The following CFTR variants were observed in gnomAD, a reference collection of about 807,000 sequenced individuals.
CFTR encodes cystic fibrosis transmembrane conductance regulator.
CFTR carries 181 observed loss-of-function variants against 171.6 expected under a neutral mutation model. The ratio of observed to expected loss-of-function variants is 1.05; its 90% CI spans 0.93 to 1.19. The LOEUF is 1.19. CFTR is among the 50% of genes most tolerant of loss of function. The pLI is 0.00. For synonymous variants in CFTR, 583 were observed against 608.0 expected, an observed-to-expected ratio of 0.96 and a Z score of 0.60; for missense variants, 1,968 against 1,734.7, an observed-to-expected ratio of 1.13 and a Z score of -2.39.
At chr7:117,486,386 G>A (rs995305214) in intron 1 of CFTR, among the ~76,000 whole-genome samples, 1 of 152,094 alleles carries the variant, frequency 6.6e-6, no homozygotes, top group Non-Finnish European at 1.5e-5. Flanking sequence ...TGCCTTTATG[G>A]AACAAATTAT....
intron 20 of CFTR, among the ~76,000 whole-genome samples, chr7:117,612,054 C>CGTATATATATAT (rs1562915207): frequency 2.1e-5 from 1 of 46,516 alleles, no homozygotes; most frequent in Non-Finnish European, 4.6e-5. Context: ...TATATATATA[C>CGTATATATATAT]ATATATATAT....
chr7:117,592,672 CT>C lies in CFTR; in HGVS notation c.2490+17del. ...AAGACTTAAAGGTAGGTATACATCGCTTGGGGGTATTTCACCCCACAGAATG... is the reference window on the plus strand; with the variant it reads ...AAGACTTAAAGGTAGGTATACATCGCTGGGGGTATTTCACCCCACAGAATG... On this transcript the variant is annotated intron_variant, in intron 14 of 26. Coordinates refer to ENST00000003084, the MANE Select transcript of CFTR (RefSeq NM_000492.4). The C allele has an allele frequency of 6.6e-7, 1 of 1,507,900 alleles. No individual in the cohort carries two copies. The highest frequency in any genetic ancestry group is 1.5e-5 in the South Asian group (1 of 67,484). 93.4% of individuals were successfully genotyped at this position (1,507,900 alleles called of 1,614,324 possible). A position where few individuals can be genotyped will look rare whatever the true frequency, so the allele number is the denominator to read the frequency against.
intron 15 of CFTR, among the ~76,000 whole-genome samples, chr7:117,596,691 A>G (rs917794580): frequency 6.6e-6 from 1 of 152,250 alleles, no homozygotes; most frequent in Non-Finnish European, 1.5e-5. Context: ...CCCTGTGTCT[A>G]GCTCAGGGTT....
At chr7:117,512,790 A>G (rs374138159) in intron 3 of CFTR, among the ~76,000 whole-genome samples, 49 of 152,264 alleles carry the variant, frequency 3.2e-4, no homozygotes, top group African/African-American at 1.1e-3. Context: ...CAATGCATTT[A>G]TTATGATAAG....
At chr7:117,531,800 C>A (rs545916915) in intron 4 of CFTR, among the ~76,000 whole-genome samples, 2 of 152,290 alleles carry the variant, frequency 1.3e-5, no homozygotes, top group South Asian at 4.1e-4. Flanking sequence ...CATCCTGATT[C>A]ACTACCATGT....
chr7:117,535,255 C>T lies in CFTR; in HGVS notation c.587C>T (p.Ala196Val), dbSNP rs1204822296. 8.1e-6 allele frequency: 13 copies of T among 1,614,090 alleles called. No individual in the cohort carries two copies. The highest frequency in any genetic ancestry group is 1.0e-5 in the Non-Finnish European group (12 of 1,179,996). Residue 196 changes from alanine to valine, a missense_variant, in exon 6 of 27, where the codon GCA (alanine) becomes GTA (valine). Physicochemically the swap from Ala to Val is moderately conservative, Grantham distance 64 (BLOSUM62 0). Transcript: ENST00000003084. ...NNLNKFDEGL[A>V]LAHFVWIAPL... ...TGTGCTTTTATTTTCCAGGGACTTG[C>T]ATTGGCACATTTCGTGTGGATCGCT...
chr7:117,588,543 C>T (rs961910980), intron 12 of CFTR, among the ~76,000 whole-genome samples: 4 of 152,108 alleles, frequency 2.6e-5, no homozygotes, highest in African/African-American at 9.7e-5. Context: ...TTGCCAAAGT[C>T]GTTAACAAGA....
Position 117,559,691 on chromosome 7 carries a change from A to G in CFTR, c.1584+36A>G, listed in dbSNP as rs752908476. On this transcript the variant is annotated intron_variant, in intron 11 of 26. Transcript: ENST00000003084. Reference sequence around the variant, plus strand: ...ATGTGAAAACTTTTTGATTATGCATATGAACCCTTCACACTACCCAAATTA... The same window carrying G: ...ATGTGAAAACTTTTTGATTATGCATGTGAACCCTTCACACTACCCAAATTA... The G allele has an allele frequency of 2.1e-6, 3 of 1,443,760 alleles. No homozygotes were observed. The highest frequency in any genetic ancestry group is 1.7e-5 in the Admixed American group (1 of 59,532). The allele number at this position is 1,443,760 out of a possible 1,614,324, so 89.4% of individuals were successfully genotyped here.
At chr7:117,510,383 G>T (rs1798495366) in intron 3 of CFTR, among the ~76,000 whole-genome samples, 1 of 152,030 alleles carries the variant, frequency 6.6e-6, no homozygotes, top group African/African-American at 2.4e-5. Flanking sequence ...TTGAATCAGG[G>T]TATGGAGTAC....
intron 13 of CFTR, 36 bp downstream of exon 13, chr7:117,590,475 G>A (rs1018950844): frequency 6.3e-6 from 10 of 1,582,116 alleles, no homozygotes; most frequent in Non-Finnish European, 8.6e-6. Flanking sequence ...TAATGCTCAT[G>A]CTAAAATAAA....
At chr7:117,502,474 A>C (rs1798347178) in intron 1 of CFTR, among the ~76,000 whole-genome samples, 1 of 152,114 alleles carries the variant, frequency 6.6e-6, no homozygotes, top group African/African-American at 2.4e-5. Flanking sequence ...CACCTTTTTC[A>C]CTTCTTGACT....
chr7:117,642,425 T>G lies in CFTR; in HGVS notation c.3718-13T>G, dbSNP rs1465656657. The G allele has an allele frequency of 6.2e-7, 1 of 1,612,264 alleles. No individual in the cohort carries two copies. Among genetic ancestry groups the G allele is most frequent in the Non-Finnish European group, 8.5e-7 (1 of 1,178,558 alleles). ...TATGTCACAGAAGTGATCCCATCAC[T>G]TTTACCTTATAGGTGGGCCTCTTGG... On this transcript the variant is annotated splice_polypyrimidine_tract_variant and intron_variant, in intron 22 of 26. Coordinates refer to ENST00000003084, the MANE Select transcript of CFTR (RefSeq NM_000492.4).
At chr7:117,575,311 T>C (rs1791754485) in intron 11 of CFTR, among the ~76,000 whole-genome samples, 2 of 152,140 alleles carry the variant, frequency 1.3e-5, no homozygotes, top group Non-Finnish European at 2.9e-5. Flanking sequence ...AGAATCTCTA[T>C]TGTTCTACCT....
chr7:117,501,786 A>C (rs4730787), intron 1 of CFTR, among the ~76,000 whole-genome samples: 37,845 of 140,434 alleles, frequency 0.27, 5,707 homozygotes, highest in African/African-American at 0.49. Flanking sequence ...CAAAAAAAAA[A>C]AAAAAACAAA....
intron 10 of CFTR, among the ~76,000 whole-genome samples, chr7:117,558,328 T>G (rs569768611): frequency 6.6e-6 from 1 of 152,028 alleles, no homozygotes; most frequent in Non-Finnish European, 1.5e-5. Context: ...ATAAAATCAG[T>G]GCTTTTTCGA....
At chr7:117,545,954 G>A (rs982491037) in intron 9 of CFTR, among the ~76,000 whole-genome samples, 1 of 151,662 alleles carries the variant, frequency 6.6e-6, no homozygotes, top group Non-Finnish European at 1.5e-5. Context: ...GAGTAGCTAG[G>A]GCTACAGACA....
At chr7:117,557,007 C>A (rs539807445) in intron 10 of CFTR, among the ~76,000 whole-genome samples, 4 of 151,712 alleles carry the variant, frequency 2.6e-5, no homozygotes, top group African/African-American at 7.3e-5. Context: ...TATTTTTCTT[C>A]GCTTTTTTGT....
chr7:117,487,134 A>G lies in CFTR; in HGVS notation c.53+6987A>G, dbSNP rs539589987. On this transcript the variant is annotated intron_variant, in intron 1 of 26. Coordinates refer to ENST00000003084, the MANE Select transcript of CFTR (RefSeq NM_000492.4). ...GTGACTCTACTTCTCTCAAAACCAG[A>G]AACGGAAATGATGTATATGGCTCAG... 4.6e-5 allele frequency among the ~76,000 whole-genome samples: 7 copies of G among 152,272 alleles called. No homozygotes were observed. The East Asian group carries it at 1.4e-3, about 29-fold the overall frequency.
At position 117,612,839 on chromosome 7, in the gene CFTR, C is replaced by T. The variant is rs909278644; in HGVS notation, c.3367+1031C>T. Among the ~76,000 whole-genome samples the T allele has an allele frequency of 3.3e-5, 5 of 152,126 alleles. 1 individual carries two copies. The highest frequency in any genetic ancestry group is 1.2e-4 in the African/African-American group (5 of 41,434). On this transcript the variant is annotated intron_variant, in intron 20 of 26. Coordinates refer to ENST00000003084, the MANE Select transcript of CFTR (RefSeq NM_000492.4). Reference sequence around the variant, plus strand: ...TTTTGTGGTTGCTTCATTCCTTTCTCTCTCTGAAGACTGGTTTTTCTGGTC... The same window carrying T: ...TTTTGTGGTTGCTTCATTCCTTTCTTTCTCTGAAGACTGGTTTTTCTGGTC...
Sources: allele counts gnomAD v4.1 joint callset (sites outside exome capture counted in the v4.1 genomes callset), GRCh38; gene constraint gnomAD v4.1.1; transcripts MANE v1.5; gene names NCBI Gene and HGNC (gene_info 2026-07-23, HGNC 2026-07-21).